Variants in SIPA1L2 observed in about 807,000 individuals in gnomAD.
SIPA1L2 encodes signal-induced proliferation-associated 1-like protein 2.
In SIPA1L2, 56 loss-of-function variants were observed where a neutral mutation model predicts 163.9. The ratio of observed to expected loss-of-function variants is 0.34; its 90% CI spans 0.28 to 0.43. The LOEUF is 0.43. Among genes scored for constraint, SIPA1L2 ranks in the 20% least tolerant of loss-of-function variants. The pLI is 1.00. For synonymous variants in SIPA1L2, 877 were observed against 865.7 expected (o/e 1.01, Z -0.23); for missense variants, 1,974 against 2,193.5 (o/e 0.90, Z 2.00).
chr1:232,547,349 G>A (rs1251933194), intron 2 of SIPA1L2, among the ~76,000 whole-genome samples: 1 of 151,592 alleles, frequency 6.6e-6, no homozygotes, highest in African/African-American at 2.4e-5. Flanking sequence ...CTGGGATATG[G>A]GAACGCAACC....
At chr1:232,442,823 T>C (rs191797996) in intron 12 of SIPA1L2, among the ~76,000 whole-genome samples, 68 of 152,354 alleles carry the variant, frequency 4.5e-4, no homozygotes, top group Middle Eastern at 3.4e-3. Context: ...GAAAGTTGCT[T>C]GACATACAAT....
intron 1 of SIPA1L2, among the ~76,000 whole-genome samples, chr1:232,584,168 A>C (rs1660530346): frequency 1.3e-5 from 2 of 152,238 alleles, no homozygotes; most frequent in African/African-American, 4.8e-5. Context: ...AATTCTAGAC[A>C]GACAGGCCTT....
intron 10 of SIPA1L2, among the ~76,000 whole-genome samples, chr1:232,453,330 G>T (rs775059003): frequency 2.6e-5 from 4 of 152,046 alleles, no homozygotes; most frequent in Non-Finnish European, 5.9e-5. Flanking sequence ...AAAAAGAGAG[G>T]GCAGTTGACC....
intron 2 of SIPA1L2, among the ~76,000 whole-genome samples, chr1:232,542,767 T>C (rs1259320923): frequency 6.6e-6 from 1 of 152,204 alleles, no homozygotes; most frequent in African/African-American, 2.4e-5. Context: ...CGCGATCTCA[T>C]GTAATTCTGG....
At chr1:232,618,745 A>G (rs760384195) in intron 1 of SIPA1L2, among the ~76,000 whole-genome samples, 1 of 152,226 alleles carries the variant, frequency 6.6e-6, no homozygotes, top group East Asian at 1.9e-4. Flanking sequence ...TCCTAAGTAT[A>G]AAGTCTCAAA....
Position 232,404,814 on chromosome 1 carries a change from GC to G in SIPA1L2, c.4763-637del, listed in dbSNP as rs529026102. 1.0e-3 allele frequency among the ~76,000 whole-genome samples: 155 copies of G among 152,246 alleles called. 1 individual carries two copies. The highest frequency in any genetic ancestry group is 3.3e-3 in the African/African-American group (136 of 41,546). On this transcript the variant is annotated intron_variant, in intron 19 of 22. Coordinates refer to ENST00000674635, the MANE Select transcript of SIPA1L2 (RefSeq NM_020808.5). Reference sequence around the variant, plus strand: ...TGAACCACATGGAAGTGAGAACCTCGCAATCTATTCCATGATCAATTCACCC... The same window carrying G: ...TGAACCACATGGAAGTGAGAACCTCGAATCTATTCCATGATCAATTCACCC...
chr1:232,579,528 G>C (rs1660260029), intron 1 of SIPA1L2, among the ~76,000 whole-genome samples: 1 of 152,194 alleles, frequency 6.6e-6, no homozygotes. Flanking sequence ...TTTCCTACAG[G>C]ATAAGCAAGT....
At chr1:232,500,937 A>C (rs891251740) in intron 3 of SIPA1L2, among the ~76,000 whole-genome samples, 1 of 151,400 alleles carries the variant, frequency 6.6e-6, no homozygotes, top group African/African-American at 2.4e-5. Flanking sequence ...AACCTTCAAC[A>C]CCCACCATCC....
chr1:232,615,071 A>C (rs1419885079), intron 1 of SIPA1L2, among the ~76,000 whole-genome samples: 1 of 152,206 alleles, frequency 6.6e-6, no homozygotes, highest in African/African-American at 2.4e-5. Flanking sequence ...CTCTGGAAAG[A>C]ATATTTATGT....
chr1:232,454,771 T>A (rs1317082544), intron 10 of SIPA1L2, among the ~76,000 whole-genome samples: 1 of 152,190 alleles, frequency 6.6e-6, no homozygotes, highest in Non-Finnish European at 1.5e-5. Flanking sequence ...GAAGTGTAGA[T>A]TATTACTTGG....
chr1:232,449,131 T>A (rs1437235673), intron 10 of SIPA1L2, among the ~76,000 whole-genome samples: 1 of 151,382 alleles, frequency 6.6e-6, no homozygotes, highest in East Asian at 1.9e-4. Context: ...GAAGAAGAGG[T>A]GGAACTTATG....
chr1:232,518,548 G>A (rs942182508), intron 2 of SIPA1L2, among the ~76,000 whole-genome samples: 3 of 152,194 alleles, frequency 2.0e-5, no homozygotes, highest in Admixed American at 1.3e-4. Flanking sequence ...CATACCAAGC[G>A]TCTTTCAAGT....
At chr1:232,464,735 A>ATTCC in intron 9 of SIPA1L2, 105 bp downstream of exon 9, 2 of 916,310 alleles carry the variant, frequency 2.2e-6, no homozygotes, top group Non-Finnish European at 3.2e-6. Context: ...ATAGTAATGC[A>ATTCC]TTCCCTAATT....
intron 1 of SIPA1L2, among the ~76,000 whole-genome samples, chr1:232,580,347 T>C (rs925119787): frequency 1.6e-4 from 24 of 152,192 alleles, no homozygotes; most frequent in African/African-American, 5.8e-4. Context: ...CTTCTTTACC[T>C]CAACCTGTTT....
chr1:232,586,893 T>C (rs926254850), intron 1 of SIPA1L2, among the ~76,000 whole-genome samples: 3 of 152,224 alleles, frequency 2.0e-5, no homozygotes, highest in Non-Finnish European at 4.4e-5. Flanking sequence ...TGGTTGGCTT[T>C]TTAAGTGAAT....
In SIPA1L2 at chr1:232,515,097, A is replaced by G; in HGVS notation, c.243T>C (p.Ser81=). The change falls in exon 3 of 23, where the codon TCT becomes TCC. Residue 81 remains serine, a synonymous_variant. Transcript: ENST00000674635. ...VPKMGVRARV[S]EWPPKKDCSK... is the part of the protein sequence containing the mutation. The stretch of plus-strand genomic sequence containing the variant: ...AACAGTCCTTTTTAGGAGGCCATTC[A>G]GACACCCTTGCTCTCACACCCATCT... 6.2e-7 allele frequency: 1 copy of G among 1,614,048 alleles called. No homozygotes were observed.
intron 3 of SIPA1L2, among the ~76,000 whole-genome samples, chr1:232,499,978 C>G (rs1055251094): frequency 6.9e-6 from 1 of 144,466 alleles, no homozygotes; most frequent in Non-Finnish European, 1.5e-5. Flanking sequence ...GTATGGTTTA[C>G]TGACTTTTTT....
At position 232,464,850 on chromosome 1, in the gene SIPA1L2, T is replaced by C. The variant is rs534673295; in HGVS notation, c.2810A>G (p.Gln937Arg). Residue 937 changes from glutamine (Q) to arginine (R), a missense_variant, in exon 9 of 23, where the codon CAG becomes CGG. By Grantham distance (43) the Gln-to-Arg change is conservative. Transcript: ENST00000674635. ...NCAEDIREIV[Q>R]RLVIVTRGCE... ...AAAACATGTACTTACTACTAATCGC[T>C]GAACAATTTCCCTGATGTCTTCAGC... is the stretch of plus-strand genomic sequence containing the variant. 1 of 1,599,688 alleles carries C rather than the reference T, an allele frequency of 6.3e-7. No individual in the cohort carries two copies. The highest frequency in any genetic ancestry group is 1.3e-5 in the African/African-American group (1 of 74,572).
intron 2 of SIPA1L2, among the ~76,000 whole-genome samples, chr1:232,573,794 C>A (rs1659935980): frequency 6.6e-6 from 1 of 152,138 alleles, no homozygotes; most frequent in Non-Finnish European, 1.5e-5. Flanking sequence ...GGAGAGAAGC[C>A]TTTGGCAGCT....
Sources: allele counts gnomAD v4.1 joint callset (sites outside exome capture counted in the v4.1 genomes callset), GRCh38; gene constraint gnomAD v4.1.1; transcripts MANE v1.5; gene names NCBI Gene and HGNC (gene_info 2026-07-23, HGNC 2026-07-21).